Variants in ZBTB8OS observed in about 807,000 individuals in gnomAD.
ZBTB8OS encodes the protein tRNA splicing ligase complex subunit 1.
ZBTB8OS carries 16 observed loss-of-function variants against 29.3 expected under a neutral mutation model. The observed-to-expected ratio is 0.55, with a 90% confidence interval of 0.37 to 0.83. The LOEUF (loss-of-function observed/expected upper bound fraction) is 0.83, where lower values mean the gene tolerates loss of function less well. ZBTB8OS is among the 40% of genes least tolerant of loss of function. The probability of loss-of-function intolerance (pLI) is 0.00; values close to 1 mark genes in which losing one functional copy is unlikely to be tolerated. For synonymous variants in ZBTB8OS, 70 were observed against 64.6 expected (o/e 1.08, Z -0.40); for missense variants, 160 against 196.9 (o/e 0.81, Z 1.12).
At chr1:32,643,471 C>T (rs1282776336) in intron 1 of ZBTB8OS, among the ~76,000 whole-genome samples, 1 of 151,864 alleles carries the variant, frequency 6.6e-6, no homozygotes, top group Admixed American at 6.6e-5. Context: ...TGGCTCACAG[C>T]AGCCTTGACC....
At chr1:32,642,487 G>C (rs1391164849) in intron 1 of ZBTB8OS, among the ~76,000 whole-genome samples, 1 of 150,692 alleles carries the variant, frequency 6.6e-6, no homozygotes, top group Admixed American at 6.6e-5. Context: ...CTGGGTGACA[G>C]AGCGAGACTC....
At chr1:32,644,599 G>T in intron 1 of ZBTB8OS, among the ~76,000 whole-genome samples, 1 of 140,134 alleles carries the variant, frequency 7.1e-6, no homozygotes. Context: ...GTGGCATGAT[G>T]ATAACCCACT....
chr1:32,645,393 T>G (rs1442768166), intron 1 of ZBTB8OS, among the ~76,000 whole-genome samples: 1 of 151,920 alleles, frequency 6.6e-6, no homozygotes. Context: ...TCCCATCTAC[T>G]CAGGAGGCTG....
chr1:32,639,492 G>A (rs1646240690), intron 1 of ZBTB8OS, among the ~76,000 whole-genome samples: 1 of 152,046 alleles, frequency 6.6e-6, no homozygotes, highest in African/African-American at 2.4e-5. Flanking sequence ...GGTCATGGTG[G>A]CTCATTCCTG....
At chr1:32,627,151 A>AG (rs1645187771) in intron 6 of ZBTB8OS, among the ~76,000 whole-genome samples, 1 of 152,208 alleles carries the variant, frequency 6.6e-6, no homozygotes, top group Non-Finnish European at 1.5e-5. Context: ...GAGGCCATAC[A>AG]GGTCGGCAAA....
chr1:32,625,615 T>TA (rs1329055284), intron 6 of ZBTB8OS, among the ~76,000 whole-genome samples: 6 of 152,168 alleles, frequency 3.9e-5, no homozygotes, highest in African/African-American at 1.2e-4. Flanking sequence ...TGTGCACCTG[T>TA]AAGCTCAGCT....
At chr1:32,641,120 C>G (rs150958702) in intron 1 of ZBTB8OS, among the ~76,000 whole-genome samples, 4 of 151,786 alleles carry the variant, frequency 2.6e-5, no homozygotes, top group Non-Finnish European at 5.9e-5. Flanking sequence ...TGCAGTAAGC[C>G]GAGATCGTGC....
chr1:32,650,586 G>C (rs1451122457), upstream of ZBTB8OS: 1 of 1,613,522 alleles, frequency 6.2e-7, no homozygotes, highest in Non-Finnish European at 8.5e-7. Flanking sequence ...TCGGCCCGGA[G>C]TTACTACTTC....
chr1:32,626,451 A>G (rs1645139029), intron 6 of ZBTB8OS, among the ~76,000 whole-genome samples: 1 of 152,198 alleles, frequency 6.6e-6, no homozygotes, highest in African/African-American at 2.4e-5. Flanking sequence ...TCTGGCCTAA[A>G]CACAGGGGTC....
At chr1:32,625,910 G>A (rs1012968998) in intron 6 of ZBTB8OS, among the ~76,000 whole-genome samples, 47 of 149,424 alleles carry the variant, frequency 3.1e-4, no homozygotes, top group Non-Finnish European at 5.9e-4. Context: ...TGCTCTTGTC[G>A]CCCAGGCTGG....
At chr1:32,622,859 C>G (rs1419157006) in intron 6 of ZBTB8OS, among the ~76,000 whole-genome samples, 1 of 152,076 alleles carries the variant, frequency 6.6e-6, no homozygotes, top group Non-Finnish European at 1.5e-5. Flanking sequence ...TCCTTATACT[C>G]TGACCTAGGC....
At chr1:32,631,176 G>C (rs1310188947) in intron 5 of ZBTB8OS, among the ~76,000 whole-genome samples, 1 of 151,524 alleles carries the variant, frequency 6.6e-6, no homozygotes, top group African/African-American at 2.4e-5. Context: ...GGCAACATGG[G>C]GAGACCCCAT....
intron 1 of ZBTB8OS, among the ~76,000 whole-genome samples, chr1:32,635,422 C>G (rs983651550): frequency 2.6e-5 from 4 of 152,082 alleles, no homozygotes; most frequent in Non-Finnish European, 5.9e-5. Flanking sequence ...CAGGCGCACA[C>G]CACCACACCC....
At chr1:32,622,799 C>T (rs569868231) in intron 6 of ZBTB8OS, among the ~76,000 whole-genome samples, 1 of 151,402 alleles carries the variant, frequency 6.6e-6, no homozygotes, top group Admixed American at 6.6e-5. Context: ...TCAAAGAACA[C>T]AAGCTTTTCT....
chr1:32,640,729 G>C (rs373691116), intron 1 of ZBTB8OS, among the ~76,000 whole-genome samples: 30 of 151,690 alleles, frequency 2.0e-4, no homozygotes, highest in Non-Finnish European at 4.0e-4. Flanking sequence ...GGCTGGTCTC[G>C]AACTTATGGG....
At chr1:32,623,644 A>G (rs537393526) in intron 6 of ZBTB8OS, among the ~76,000 whole-genome samples, 1 of 152,164 alleles carries the variant, frequency 6.6e-6, no homozygotes, top group East Asian at 1.9e-4. Flanking sequence ...AATTTTACCA[A>G]AGAGGCTGTG....
chr1:32,644,559 AG>A (rs1646690841), intron 1 of ZBTB8OS, among the ~76,000 whole-genome samples: 1 of 134,708 alleles, frequency 7.4e-6, no homozygotes, highest in African/African-American at 3.0e-5. Flanking sequence ...TTTTGGAGTC[AG>A]GGACTCTGTC....
chr1:32,647,823 T>G (rs995014908), intron 1 of ZBTB8OS, among the ~76,000 whole-genome samples: 3 of 152,204 alleles, frequency 2.0e-5, no homozygotes, highest in African/African-American at 4.8e-5. Flanking sequence ...TATTTCATTA[T>G]ATATTACAAC....
intron 4 of ZBTB8OS, chr1:32,633,305 G>A (rs766729390): frequency 5.3e-6 from 1 of 190,014 alleles, no homozygotes; most frequent in Non-Finnish European, 1.1e-5. Flanking sequence ...GAGGATTGCC[G>A]GAAGCTAGGA....
Sources: allele counts gnomAD v4.1 joint callset (sites outside exome capture counted in the v4.1 genomes callset), GRCh38; gene constraint gnomAD v4.1.1; transcripts MANE v1.5; gene names NCBI Gene and HGNC (gene_info 2026-07-23, HGNC 2026-07-21).